The following TLK1 variants were observed in gnomAD, a reference collection of about 807,000 sequenced individuals.
TLK1 encodes the protein tousled like kinase 1, also known as serine/threonine-protein kinase tousled-like 1.
A neutral mutation model predicts 105.3 loss-of-function variants in TLK1; 24 were observed. That is an observed-to-expected ratio of 0.23 (90% CI 0.17 to 0.32). The LOEUF (loss-of-function observed/expected upper bound fraction) is 0.32. TLK1 is among the 10% of genes least tolerant of loss of function. TLK1 has a pLI of 1.00. For missense variants in TLK1, 558 were observed against 910.5 expected, an observed-to-expected ratio of 0.61 and a Z score of 4.98; for synonymous variants, 321 against 310.4, an observed-to-expected ratio of 1.03 and a Z score of -0.36.
intron 1 of TLK1, among the ~76,000 whole-genome samples, chr2:171,151,079 T>G (rs1012455657): frequency 1.3e-5 from 2 of 151,920 alleles, no homozygotes; most frequent in African/African-American, 4.8e-5. Context: ...TGGAGTGTAG[T>G]GGCGTAATCA....
At chr2:171,060,350 C>T (rs1414624239) in intron 4 of TLK1, among the ~76,000 whole-genome samples, 1 of 152,112 alleles carries the variant, frequency 6.6e-6, no homozygotes, top group Non-Finnish European at 1.5e-5. Context: ...TACAATACAC[C>T]TCAGAAAAGG....
intron 1 of TLK1, among the ~76,000 whole-genome samples, chr2:171,179,208 C>T (rs1011629840): frequency 6.6e-5 from 10 of 152,192 alleles, no homozygotes; most frequent in African/African-American, 2.4e-4. Context: ...CCTTAATAAT[C>T]CTCATAGTTG....
At chr2:171,226,894 T>C (rs1693907096) in intron 1 of TLK1, among the ~76,000 whole-genome samples, 1 of 152,204 alleles carries the variant, frequency 6.6e-6, no homozygotes, top group African/African-American at 2.4e-5. Flanking sequence ...GTTGGCCTCA[T>C]TTTTGTCATC....
At chr2:171,210,248 C>T (rs913064026) in intron 1 of TLK1, among the ~76,000 whole-genome samples, 56 of 151,872 alleles carry the variant, frequency 3.7e-4, no homozygotes, top group African/African-American at 1.2e-3. Context: ...GGTTATAATG[C>T]CACTCACACC....
chr2:170,992,158 CAT>C lies in TLK1; in HGVS notation c.*1620_*1621del, dbSNP rs1032123753. 6.6e-6 allele frequency: 1 copy of C among 152,152 alleles called. No homozygotes were observed. The highest frequency in any genetic ancestry group is 2.4e-5 in the African/African-American group (1 of 41,442). 9.4% of individuals were successfully genotyped at this position (152,152 alleles called of 1,614,324 possible). A position where few individuals can be genotyped will look rare whatever the true frequency, so the allele number is the denominator to read the frequency against. The stretch of plus-strand genomic sequence containing the variant: ...GAAAGCTCCCTTCCAATGTAATTTT[CAT>C]AGTCTTTACATTTTAACTGTCATTG... On this transcript the variant is annotated 3_prime_UTR_variant, in exon 21 of 21. Coordinates refer to ENST00000431350, the MANE Select transcript of TLK1 (RefSeq NM_012290.5).
At chr2:171,074,747 G>A (rs1688425797) in intron 3 of TLK1, among the ~76,000 whole-genome samples, 1 of 151,960 alleles carries the variant, frequency 6.6e-6, no homozygotes, top group Non-Finnish European at 1.5e-5. Context: ...AAAGACAGAG[G>A]AGGTCAACAA....
chr2:171,228,293 C>T (rs1693936290), intron 1 of TLK1, among the ~76,000 whole-genome samples: 1 of 152,202 alleles, frequency 6.6e-6, no homozygotes, highest in Non-Finnish European at 1.5e-5. Flanking sequence ...GTTAGGCATG[C>T]CTGTAATCCC....
At chr2:171,221,293 C>T (rs542976167) in intron 1 of TLK1, among the ~76,000 whole-genome samples, 7 of 152,192 alleles carry the variant, frequency 4.6e-5, no homozygotes, top group Admixed American at 1.3e-4. Flanking sequence ...GAAAGGACAG[C>T]GTAAGGAACA....
rs111588412 is a variant in TLK1, at chr2:171,088,199, G to C, written c.259-5347C>G. ...AAAAAAAAATTAGCCAGATGTGGTA[G>C]CATGTACCAGCAGTCCCAGCTACTC... On this transcript the variant is annotated intron_variant, in intron 2 of 20. Coordinates refer to ENST00000431350, the MANE Select transcript of TLK1 (RefSeq NM_012290.5). 2.7e-3 allele frequency among the ~76,000 whole-genome samples: 412 copies of C among 152,230 alleles called. 3 individuals are homozygous for C. The highest frequency in any genetic ancestry group is 9.3e-3 in the African/African-American group (386 of 41,534).
chr2:171,223,481 CTT>C (rs71013025), intron 1 of TLK1, among the ~76,000 whole-genome samples: 2 of 126,976 alleles, frequency 1.6e-5, no homozygotes, highest in African/African-American at 6.1e-5. Context: ...GTATTTTGCA[CTT>C]TTTTTTTTTT....
At chr2:171,202,005 G>C (rs1347963451) in intron 1 of TLK1, among the ~76,000 whole-genome samples, 1 of 152,018 alleles carries the variant, frequency 6.6e-6, no homozygotes, top group African/African-American at 2.4e-5. Context: ...CAGGGAAGAG[G>C]GGCTCATGTA....
intron 3 of TLK1, among the ~76,000 whole-genome samples, chr2:171,078,219 A>G (rs1053357889): frequency 2.0e-5 from 3 of 152,166 alleles, no homozygotes; most frequent in African/African-American, 7.2e-5. Context: ...CAAGTCATCA[A>G]ACCCTACTGA....
At chr2:171,077,185 G>A (rs1022255550) in intron 3 of TLK1, among the ~76,000 whole-genome samples, 20 of 152,134 alleles carry the variant, frequency 1.3e-4, no homozygotes, top group African/African-American at 4.3e-4. Context: ...TTTTCACTGT[G>A]AAGTAAGAGA....
At chr2:171,172,387 A>C (rs1692746666) in intron 1 of TLK1, among the ~76,000 whole-genome samples, 1 of 152,220 alleles carries the variant, frequency 6.6e-6, no homozygotes, top group Admixed American at 6.5e-5. Context: ...ACTTTGGTAC[A>C]TGTAGTTATA....
At position 171,117,810 on chromosome 2, in the gene TLK1, A is replaced by G. The variant is rs963986118; in HGVS notation, c.187T>C (p.Leu63=). ...GCAACTCCAGTAAATCTAGCTTCCA[A>G]TAACTCTTGCCTTCTTGGATCCAGA... The part of the protein sequence containing the change: ...HSLDPRRQEL[L]EARFTGVASG... Residue 63 remains leucine, a synonymous_variant, in exon 2 of 21, where the codon TTG becomes CTG. Transcript: ENST00000431350. 9.9e-6 allele frequency: 16 copies of G among 1,613,826 alleles called. No homozygotes were observed. Among genetic ancestry groups the G allele is most frequent in the South Asian group, 2.2e-5 (2 of 91,078 alleles).
intron 11 of TLK1, among the ~76,000 whole-genome samples, chr2:171,043,022 TA>T (rs201998664): frequency 4.8e-5 from 7 of 146,320 alleles, no homozygotes; most frequent in Non-Finnish European, 6.0e-5. Flanking sequence ...TAATCTAGGT[TA>T]AAAAAAAAAC....
intron 1 of TLK1, among the ~76,000 whole-genome samples, chr2:171,124,201 T>G (rs1023619037): frequency 2.4e-4 from 37 of 152,234 alleles, no homozygotes; most frequent in Non-Finnish European, 2.9e-4. Context: ...TCTAACTTCT[T>G]TGACAGCTTG....
At chr2:171,135,554 A>C (rs1426051031) in intron 1 of TLK1, among the ~76,000 whole-genome samples, 1 of 152,056 alleles carries the variant, frequency 6.6e-6, no homozygotes, top group Non-Finnish European at 1.5e-5. Flanking sequence ...TAATCCCAGC[A>C]CTTTGGGAGG....
intron 12 of TLK1, among the ~76,000 whole-genome samples, chr2:171,017,198 G>T (rs1047158790): frequency 6.6e-6 from 1 of 152,122 alleles, no homozygotes; most frequent in Non-Finnish European, 1.5e-5. Flanking sequence ...GGTTTACCCA[G>T]GAGTATGAAA....
Sources: allele counts gnomAD v4.1 joint callset (sites outside exome capture counted in the v4.1 genomes callset), GRCh38; gene constraint gnomAD v4.1.1; transcripts MANE v1.5; gene names NCBI Gene and HGNC (gene_info 2026-07-23, HGNC 2026-07-21).